The following AP2A2 variants were observed in gnomAD, a reference collection of about 807,000 sequenced individuals.
AP2A2 encodes adaptor related protein complex 2 subunit alpha 2, also known as AP-2 complex subunit alpha-2.
A neutral mutation model predicts 104.2 loss-of-function variants in AP2A2; 32 were observed. The ratio of observed to expected loss-of-function variants is 0.31; its 90% confidence interval spans 0.23 to 0.41. The LOEUF (loss-of-function observed/expected upper bound fraction) is 0.41, where lower values mean the gene tolerates loss of function less well. Ranked by LOEUF, AP2A2 falls within the 10% of genes least tolerant of loss-of-function variation. AP2A2 has a pLI of 1.00. For synonymous variants in AP2A2, 539 were observed against 533.3 expected, an observed-to-expected ratio of 1.01 and a Z score of -0.15; for missense variants, 912 against 1,261.0, an observed-to-expected ratio of 0.72 and a Z score of 4.19.
intron 16 of AP2A2, among the ~76,000 whole-genome samples, chr11:1,004,762 C>T (rs1034231052): frequency 2.6e-5 from 4 of 152,072 alleles, no homozygotes; most frequent in East Asian, 1.9e-4. Context: ...GGCAACAGAG[C>T]GAGACCCTGT....
chr11:957,266 G>T (rs531678620), intron 1 of AP2A2, among the ~76,000 whole-genome samples: 1 of 152,350 alleles, frequency 6.6e-6, no homozygotes, highest in South Asian at 2.1e-4. Flanking sequence ...CATGTGTTCA[G>T]TTATCTGGAC....
chr11:951,682 G>T, intron 1 of AP2A2, among the ~76,000 whole-genome samples: 1 of 152,200 alleles, frequency 6.6e-6, no homozygotes, highest in East Asian at 1.9e-4. Context: ...GGCAGGTTGC[G>T]GTTAAGTTGA....
Position 1,009,700 on chromosome 11 carries a change from T to G in AP2A2, c.2625T>G (p.Ser875=). 1.9e-6 allele frequency: 3 copies of G among 1,572,878 alleles called. No individual in the cohort carries two copies. The highest frequency in any genetic ancestry group is 2.6e-6 in the Non-Finnish European group (3 of 1,157,980). Residue 875 remains serine (S), a synonymous_variant, in exon 21 of 22, where the codon TCT becomes TCG. Transcript: ENST00000448903. ...TTGGACAGATCATTGGATTTGGTTC[T>G]GCACTTCTTGAAGAAGTTGATCCTA... ...VTKAKIIGFG[S]ALLEEVDPNP...
intron 14 of AP2A2, among the ~76,000 whole-genome samples, chr11:996,985 T>C (rs1855878170): frequency 6.6e-6 from 1 of 151,858 alleles, no homozygotes; most frequent in South Asian, 2.1e-4. Flanking sequence ...ATCCTGTGCT[T>C]TCCAATCTGT....
At chr11:986,721 A>G in intron 8 of AP2A2, 64 bp from the exon 9 acceptor site, 7 of 1,567,882 alleles carry the variant, frequency 4.5e-6, no homozygotes, top group Non-Finnish European at 6.0e-6. Flanking sequence ...GGGAACGCAG[A>G]CTCTGTCCAG....
intron 5 of AP2A2, among the ~76,000 whole-genome samples, chr11:977,454 G>C (rs909810034): frequency 5.3e-5 from 8 of 150,788 alleles, no homozygotes; most frequent in African/African-American, 2.0e-4. Context: ...TAGCACAGAG[G>C]CTCTGCAGAC....
At chr11:966,196 T>G (rs1854611629) in intron 2 of AP2A2, among the ~76,000 whole-genome samples, 1 of 152,208 alleles carries the variant, frequency 6.6e-6, no homozygotes, top group South Asian at 2.1e-4. Flanking sequence ...GTTGTGCACA[T>G]TAATTTGCTA....
At chr11:931,126 T>G (rs900853852) in intron 1 of AP2A2, among the ~76,000 whole-genome samples, 1 of 152,216 alleles carries the variant, frequency 6.6e-6, no homozygotes, top group Non-Finnish European at 1.5e-5. Flanking sequence ...TCACATCATA[T>G]GTGATCTTTT....
intron 14 of AP2A2, among the ~76,000 whole-genome samples, chr11:997,889 A>G (rs1312826575): frequency 6.6e-6 from 1 of 152,250 alleles, no homozygotes; most frequent in African/African-American, 2.4e-5. Context: ...TGGGTAACAG[A>G]GTGAGACTCG....
In AP2A2 at chr11:993,964, C is replaced by A; in HGVS notation, c.1761C>A (p.Thr587=). The A allele has an allele frequency of 1.2e-6, 2 of 1,611,972 alleles. No individual in the cohort carries two copies. Among genetic ancestry groups the A allele is most frequent in the Non-Finnish European group, 1.7e-6 (2 of 1,179,242 alleles). The change falls in exon 13 of 22, where the codon ACC becomes ACA. Residue 587 remains threonine (T), a synonymous_variant. Transcript: ENST00000448903. This position sits in a 1 kb window ranked among gnomAD's most constrained non-coding sequence, Gnocchi z 8.2. ...CTGTGGAGTACCTGCGGCTCAGCAC[C>A]GTGGCCAGCACCGACATTCTGGTAG... The part of the protein sequence containing the change: ...QRAVEYLRLS[T]VASTDILATV...
At chr11:983,452 G>T (rs1018465587) in intron 6 of AP2A2, among the ~76,000 whole-genome samples, 1 of 151,480 alleles carries the variant, frequency 6.6e-6, no homozygotes, top group South Asian at 2.1e-4. Context: ...GCACGATCTT[G>T]GCTCACTACA....
rs1208645703 is a variant in AP2A2 at position 992,655 on chromosome 11, G to T, written c.1422G>T (p.Val474=). 6.2e-7 allele frequency: 1 copy of T among 1,613,950 alleles called. No homozygotes were observed. The highest frequency in any genetic ancestry group is 2.2e-5 in the East Asian group (1 of 44,878). The change falls in exon 11 of 22, where the codon GTG becomes GTT. Residue 474 remains valine, a synonymous_variant. Transcript: ENST00000448903. This position sits in a 1 kb window ranked among gnomAD's most constrained non-coding sequence, Gnocchi z 6.4. The part of the protein sequence containing the change: ...VIQIVINRDD[V]QGYAAKTVFE... ...AGATCGTCATCAACCGGGACGACGT[G>T]CAGGGCTACGCGGCCAAGACTGTGT... is the stretch of plus-strand genomic sequence containing the variant.
chr11:988,299 G>A (rs988691587), intron 9 of AP2A2, among the ~76,000 whole-genome samples: 1 of 151,800 alleles, frequency 6.6e-6, no homozygotes, highest in Admixed American at 6.6e-5. Context: ...ATGGACGAGC[G>A]GGCAGAATCC....
At chr11:960,563 A>T (rs1767676702) in intron 2 of AP2A2, among the ~76,000 whole-genome samples, 1 of 152,116 alleles carries the variant, frequency 6.6e-6, no homozygotes, top group Admixed American at 6.5e-5. Context: ...CTTTTAGTAG[A>T]GACGGGGTTT....
chr11:995,390 C>G (rs1450570973), intron 14 of AP2A2: 2 of 455,778 alleles, frequency 4.4e-6, no homozygotes, highest in South Asian at 1.5e-5. Flanking sequence ...TGCTTGCCAG[C>G]TGTTCCCCTC....
chr11:954,290 C>T (rs994074157), intron 1 of AP2A2, among the ~76,000 whole-genome samples: 3 of 152,216 alleles, frequency 2.0e-5, no homozygotes, highest in Non-Finnish European at 4.4e-5. Flanking sequence ...CCCCAAAGTT[C>T]ACTCTTGTCA....
Position 1,000,408 on chromosome 11 carries a change from ATGCTCTCCT to A in AP2A2, c.1957-22_1957-14del. 2 of 1,542,428 alleles carry A rather than the reference ATGCTCTCCT, an allele frequency of 1.3e-6. No individual in the cohort carries two copies. Among genetic ancestry groups the A allele is most frequent in the Non-Finnish European group, 1.7e-6 (2 of 1,146,862 alleles). On this transcript the variant is annotated splice_polypyrimidine_tract_variant and intron_variant, in intron 14 of 21. Coordinates refer to ENST00000448903, the MANE Select transcript of AP2A2 (RefSeq NM_012305.4). ...GCCAGGCCAGGGAGGCTCTCTGCTG[ATGCTCTCCT>A]TCCTTCTCTTCCAGTCTACGCCTTC...
chr11:997,528 C>T (rs1034851212), intron 14 of AP2A2, among the ~76,000 whole-genome samples: 16 of 152,202 alleles, frequency 1.1e-4, no homozygotes, highest in African/African-American at 3.6e-4. Context: ...TGCATCTGGC[C>T]TCGCTGTTAC....
rs1175805768 is a variant in AP2A2, at chr11:981,210, G to C, written c.616G>C (p.Ala206Pro). 1 of 1,612,242 alleles carries C rather than the reference G, an allele frequency of 6.2e-7. No homozygotes were observed. The highest frequency in any genetic ancestry group is 1.7e-5 in the Admixed American group (1 of 59,682). ...TGTTTTCTTTCAGGGTGTGGTAACT[G>C]CAGCCACAAGTCTGATCACCACTTT... Reference protein sequence around the residue: ...LNDQHLGVVTAATSLITTLAQ... With the variant: ...LNDQHLGVVTPATSLITTLAQ... The change falls in exon 6 of 22, where the codon GCA (alanine) becomes CCA (proline). Residue 206 changes from alanine (A) to proline (P), a missense_variant. Ala to Pro is a conservative substitution (Grantham distance 27). Transcript: ENST00000448903.
Sources: allele counts gnomAD v4.1 joint callset (sites outside exome capture counted in the v4.1 genomes callset), GRCh38; gene constraint gnomAD v4.1.1; non-coding constraint Gnocchi (gnomAD v3.1); transcripts MANE v1.5; gene names NCBI Gene and HGNC (gene_info 2026-07-23, HGNC 2026-07-21).